The following BACE2 variants were observed in gnomAD, a reference collection of about 807,000 sequenced individuals.
BACE2 encodes beta-secretase 2.
In BACE2, 17 loss-of-function variants were observed where a neutral mutation model predicts 46.2. The ratio of observed to expected loss-of-function variants is 0.37; its 90% CI spans 0.25 to 0.55. The LOEUF (loss-of-function observed/expected upper bound fraction) is 0.55. Ranked by LOEUF, BACE2 falls within the 20% of genes least tolerant of loss-of-function variation. The pLI, the probability that BACE2 is intolerant of heterozygous loss-of-function variation, is 0.82. For missense variants in BACE2, 595 were observed against 698.1 expected (o/e 0.85, Z 1.66); for synonymous variants, 277 against 295.9 (o/e 0.94, Z 0.66).
rs745503391 is a variant in BACE2 at position 41,275,489 on chromosome 21, G to T, written c.1422G>T (p.Ala474=). The part of the protein sequence containing the change: ...SEPILWIVSY[A]LMSVCGAILL... ...CCATTTTGTGGATTGTGTCCTATGC[G>T]CTCATGAGCGTCTGTGGAGCCATCC... Residue 474 remains alanine, a synonymous_variant, in exon 9 of 9, where the codon GCG becomes GCT. Transcript: ENST00000330333. The T allele has an allele frequency of 3.7e-6, 6 of 1,613,918 alleles. No homozygotes were observed. In the African/African-American group the frequency reaches 4.0e-5, roughly 11 times the overall value.
At position 41,207,873 on chromosome 21, in the gene BACE2, G is replaced by A. The variant is rs368883194; in HGVS notation, c.313-18393G>A. On this transcript the variant is annotated intron_variant, in intron 1 of 8. Coordinates refer to ENST00000330333, the MANE Select transcript of BACE2 (RefSeq NM_012105.5). ...GTCGGGGGTGATCCCTGAAGGCAAC[G>A]CAGTCATATGCAGTCTCTTGGCAAG... Among the ~76,000 whole-genome samples the A allele has an allele frequency of 7.6e-4, 116 of 152,320 alleles. 3 individuals are homozygous for A. In the South Asian group the frequency reaches 0.017, roughly 23 times the overall value.
At chr21:41,213,269 CAGGG>C (rs1274256355) in intron 1 of BACE2, among the ~76,000 whole-genome samples, 1 of 152,190 alleles carries the variant, frequency 6.6e-6, no homozygotes, top group Non-Finnish European at 1.5e-5. Context: ...CACCAAAAAT[CAGGG>C]CATGAGCTGT....
At chr21:41,272,880 A>C (rs1338455586) in intron 8 of BACE2, among the ~76,000 whole-genome samples, 1 of 152,196 alleles carries the variant, frequency 6.6e-6, no homozygotes, top group Non-Finnish European at 1.5e-5. Flanking sequence ...TCTTATGTTG[A>C]AACCTATCGG....
chr21:41,171,976 C>G (rs1451560578), intron 1 of BACE2, among the ~76,000 whole-genome samples: 1 of 152,142 alleles, frequency 6.6e-6, no homozygotes. Flanking sequence ...AAATATGGAT[C>G]CAGCATATGC....
chr21:41,240,562 G>T (rs138945701), intron 3 of BACE2, among the ~76,000 whole-genome samples: 13 of 152,320 alleles, frequency 8.5e-5, no homozygotes, highest in Admixed American at 3.3e-4. Context: ...AAGTCACTCG[G>T]CTGGCAAGTG....
intron 1 of BACE2, chr21:41,180,126 C>A (rs892016660): frequency 1.1e-5 from 2 of 190,312 alleles, no homozygotes; most frequent in African/African-American, 2.4e-5. Context: ...TAATTATATG[C>A]AAATGAAGGG....
In BACE2 at chr21:41,211,293, G is replaced by C. The variant is rs142416904; in HGVS notation, c.313-14973G>C. ...TCTAGTAGGAGCCTGTACAGCAATAGTGAAATGGCTCACACTCTCACACAT... is the reference window on the plus strand; with the variant it reads ...TCTAGTAGGAGCCTGTACAGCAATACTGAAATGGCTCACACTCTCACACAT... On this transcript the variant is annotated intron_variant, in intron 1 of 8. Coordinates refer to ENST00000330333, the MANE Select transcript of BACE2 (RefSeq NM_012105.5). 1.2e-4 allele frequency among the ~76,000 whole-genome samples: 18 copies of C among 152,020 alleles called. 1 individual carries two copies. The East Asian group carries it at 3.5e-3, about 29-fold the overall frequency.
intron 1 of BACE2, among the ~76,000 whole-genome samples, chr21:41,200,414 CG>C (rs1414062988): frequency 6.6e-6 from 1 of 152,120 alleles, no homozygotes; most frequent in East Asian, 1.9e-4. Flanking sequence ...AGAAGCCAAG[CG>C]AATGTGGACT....
chr21:41,258,388 G>C (rs1601315741), intron 8 of BACE2, among the ~76,000 whole-genome samples: 1 of 152,216 alleles, frequency 6.6e-6, no homozygotes, highest in East Asian at 1.9e-4. Context: ...AGGTGAGATT[G>C]CTGGGCCATC....
chr21:41,280,471 AC>A lies in BACE2; in HGVS notation c.*4848del, dbSNP rs2088535107. 1 of 152,342 alleles carries A rather than the reference AC, an allele frequency of 6.6e-6. No homozygotes were observed. Among genetic ancestry groups the A allele is most frequent in the Non-Finnish European group, 1.5e-5 (1 of 68,150 alleles). 9.4% of individuals were successfully genotyped at this position (152,342 alleles called of 1,614,324 possible). On this transcript the variant is annotated 3_prime_UTR_variant, in exon 9 of 9. Coordinates refer to ENST00000330333, the MANE Select transcript of BACE2 (RefSeq NM_012105.5). ...GTGGGAGCCCTGCTCCCCAGGCTCCACGTCCCCGGAAGGTCCATCTTGTCCT... is the reference window on the plus strand; with the variant it reads ...GTGGGAGCCCTGCTCCCCAGGCTCCAGTCCCCGGAAGGTCCATCTTGTCCT...
chr21:41,187,533 C>T (rs1364948485), intron 1 of BACE2, among the ~76,000 whole-genome samples: 1 of 152,226 alleles, frequency 6.6e-6, no homozygotes, highest in Non-Finnish European at 1.5e-5. Flanking sequence ...CCAGGAATCA[C>T]AAAACAGAGT....
intron 6 of BACE2, among the ~76,000 whole-genome samples, chr21:41,250,506 CA>C (rs1242680930): frequency 2.0e-5 from 3 of 152,200 alleles, no homozygotes; most frequent in Admixed American, 2.0e-4. Context: ...ATTATTGCTG[CA>C]AAGGGCTTAT....
rs182154469 is a variant in BACE2 at position 41,213,699 on chromosome 21, G to A, written c.313-12567G>A. 5.3e-5 allele frequency among the ~76,000 whole-genome samples: 8 copies of A among 152,140 alleles called. No individual in the cohort carries two copies. The East Asian group carries it at 7.8e-4, about 15-fold the overall frequency. ...TGAGGCAGGAGAGTCGCTTGAACCC[G>A]GGAGGTAGAGGTTGCAGTGAGCCAA... On this transcript the variant is annotated intron_variant, in intron 1 of 8. Transcript: ENST00000330333.
intron 1 of BACE2, among the ~76,000 whole-genome samples, chr21:41,219,017 C>T (rs1266943393): frequency 6.6e-6 from 1 of 152,118 alleles, no homozygotes; most frequent in African/African-American, 2.4e-5. Flanking sequence ...TGTGCGCCAC[C>T]ACACCCGGCT....
At chr21:41,249,396 G>C (rs949351643) in intron 6 of BACE2, among the ~76,000 whole-genome samples, 15 of 151,628 alleles carry the variant, frequency 9.9e-5, no homozygotes, top group Admixed American at 7.2e-4. Context: ...TTGGCTTCAG[G>C]GGACTCAGGA....
intron 7 of BACE2, among the ~76,000 whole-genome samples, chr21:41,255,589 C>CGG (rs1342590980): frequency 1.3e-5 from 2 of 152,282 alleles, no homozygotes; most frequent in African/African-American, 2.4e-5. Flanking sequence ...GCCTGGTTCC[C>CGG]CCTAGATTGG....
chr21:41,241,905 C>T lies in BACE2; in HGVS notation c.705C>T (p.Ala235=), dbSNP rs774255397. The change falls in exon 4 of 9, where the codon GCC becomes GCT. Residue 235 remains alanine, a synonymous_variant. Transcript: ENST00000330333. ...PNVFSMQMCG[A]GLPVAGSGTN... ...TTTTCTCCATGCAGATGTGTGGAGC[C>T]GGCTTGCCCGTTGCTGGATCTGGGA... The T allele has an allele frequency of 2.4e-5, 38 of 1,613,976 alleles. No individual in the cohort carries two copies. Among genetic ancestry groups the T allele is most frequent in the Middle Eastern group, 1.6e-4 (1 of 6,084 alleles).
intron 8 of BACE2, among the ~76,000 whole-genome samples, chr21:41,265,458 C>G (rs1988044840): frequency 6.6e-6 from 1 of 151,984 alleles, no homozygotes; most frequent in African/African-American, 2.4e-5. Flanking sequence ...CATACCATCT[C>G]TTGTAATGTA....
chr21:41,238,763 T>C (rs1167909661), intron 3 of BACE2, among the ~76,000 whole-genome samples: 1 of 122,442 alleles, frequency 8.2e-6, no homozygotes, highest in Non-Finnish European at 1.6e-5. Context: ...TGAGATCACA[T>C]GGACACAGGA....
Sources: allele counts gnomAD v4.1 joint callset (sites outside exome capture counted in the v4.1 genomes callset), GRCh38; gene constraint gnomAD v4.1.1; transcripts MANE v1.5; gene names NCBI Gene and HGNC (gene_info 2026-07-23, HGNC 2026-07-21).